MARCHF1: variants seen among roughly 807,000 people sequenced by gnomAD.
MARCHF1 encodes the protein membrane associated ring-CH-type finger 1, also known as E3 ubiquitin-protein ligase MARCHF1.
Under a neutral mutation model 54.2 loss-of-function variants are expected in MARCHF1, and 40 were observed. That is an observed-to-expected ratio of 0.74 (90% CI 0.57 to 0.96). MARCHF1 has a LOEUF of 0.96. Ranked by LOEUF, MARCHF1 falls within the 40% of genes least tolerant of loss-of-function variation. The pLI is 0.00. For missense variants in MARCHF1, 586 were observed against 656.5 expected (o/e 0.89, Z 1.17); for synonymous variants, 236 against 236.3 (o/e 1.00, Z 0.01).
At chr4:163,675,943 A>G (rs1394012471) in intron 5 of MARCHF1, among the ~76,000 whole-genome samples, 1 of 152,146 alleles carries the variant, frequency 6.6e-6, no homozygotes, top group Admixed American at 6.5e-5. Flanking sequence ...ACAAACAAAG[A>G]TGCCTATTTT....
At chr4:164,219,422 T>C (rs1406842707) in intron 1 of MARCHF1, among the ~76,000 whole-genome samples, 2 of 152,142 alleles carry the variant, frequency 1.3e-5, no homozygotes, top group African/African-American at 4.8e-5. Flanking sequence ...TTCTTCAAAG[T>C]AGTGATATAT....
At chr4:163,937,761 T>C (rs1751830065) in intron 3 of MARCHF1, among the ~76,000 whole-genome samples, 1 of 152,168 alleles carries the variant, frequency 6.6e-6, no homozygotes, top group South Asian at 2.1e-4. Flanking sequence ...TTTCAACTTA[T>C]AATTCACTAA....
intron 2 of MARCHF1, among the ~76,000 whole-genome samples, chr4:164,077,099 T>C (rs1218559026): frequency 1.3e-5 from 2 of 152,136 alleles, no homozygotes; most frequent in African/African-American, 2.4e-5. Context: ...AGAACAAAGC[T>C]GGAGGCATCA....
intron 5 of MARCHF1, among the ~76,000 whole-genome samples, chr4:163,675,466 G>A (rs1449540253): frequency 2.0e-5 from 3 of 152,216 alleles, no homozygotes; most frequent in Admixed American, 2.0e-4. Context: ...GGAGGAGAGA[G>A]AGAGTGAAAG....
intron 1 of MARCHF1, among the ~76,000 whole-genome samples, chr4:164,273,663 T>C (rs1436827348): frequency 6.6e-6 from 1 of 152,198 alleles, no homozygotes; most frequent in Non-Finnish European, 1.5e-5. Context: ...TTAGAGAAGA[T>C]TCAAGTGACT....
At chr4:163,633,416 T>C (rs1413914857) in intron 5 of MARCHF1, among the ~76,000 whole-genome samples, 1 of 152,140 alleles carries the variant, frequency 6.6e-6, no homozygotes, top group Non-Finnish European at 1.5e-5. Context: ...CTGATGGAGC[T>C]GAAAACCAAG....
At chr4:163,672,383 G>A (rs1359594846) in intron 5 of MARCHF1, among the ~76,000 whole-genome samples, 1 of 152,044 alleles carries the variant, frequency 6.6e-6, no homozygotes. Flanking sequence ...GCACAGCTTG[G>A]TGTGAAGCTC....
chr4:164,210,451 C>G (rs1731732632), intron 1 of MARCHF1, among the ~76,000 whole-genome samples: 1 of 152,032 alleles, frequency 6.6e-6, no homozygotes, highest in Non-Finnish European at 1.5e-5. Flanking sequence ...GAAGAAAGAT[C>G]AGGAGTTCAG....
intron 1 of MARCHF1, among the ~76,000 whole-genome samples, chr4:164,227,008 A>G (rs1732277940): frequency 6.6e-6 from 1 of 152,162 alleles, no homozygotes; most frequent in Non-Finnish European, 1.5e-5. Context: ...ACATTTTTAC[A>G]GGCATATTAC....
chr4:163,967,059 A>G (rs1385038324), intron 3 of MARCHF1, among the ~76,000 whole-genome samples: 1 of 152,164 alleles, frequency 6.6e-6, no homozygotes, highest in Non-Finnish European at 1.5e-5. Context: ...TCAGGCAGTG[A>G]TGAATAGATC....
intron 1 of MARCHF1, among the ~76,000 whole-genome samples, chr4:164,211,745 CG>C (rs962799638): frequency 5.9e-5 from 9 of 151,850 alleles, no homozygotes; most frequent in African/African-American, 1.5e-4. Flanking sequence ...GTAGTAGGTA[CG>C]GATGCCATCT....
chr4:164,027,471 C>T (rs184086023), intron 2 of MARCHF1, among the ~76,000 whole-genome samples: 1 of 147,550 alleles, frequency 6.8e-6, no homozygotes, highest in Admixed American at 6.9e-5. Context: ...ATCTGATGAT[C>T]TACAAAGCTG....
Position 163,612,511 on chromosome 4 carries a change from G to T in MARCHF1, c.770C>A (p.Ser257Tyr). ...LTQGSSEIKRSSRNHEKSKGR... is the reference protein window; with the variant it reads ...LTQGSSEIKRYSRNHEKSKGR... ...TTTGCTCTTCTCATGATTCCTTGAG[G>T]ATCTCTTAATTTCAGAGGACCCTTG... The change falls in exon 7 of 10, where the codon TCC becomes TAC. Residue 257 changes from serine to tyrosine, a missense_variant. Transcript: ENST00000514618. 6.5e-7 allele frequency: 1 copy of T among 1,535,214 alleles called. No individual in the cohort carries two copies. The highest frequency in any genetic ancestry group is 8.7e-7 in the Non-Finnish European group (1 of 1,146,478).
intron 3 of MARCHF1, among the ~76,000 whole-genome samples, chr4:163,916,063 C>T (rs1751300990): frequency 6.6e-6 from 1 of 152,152 alleles, no homozygotes; most frequent in African/African-American, 2.4e-5. Context: ...TGATTTGAAT[C>T]TGCTGTAAAC....
At chr4:164,073,036 G>T (rs565946911) in intron 2 of MARCHF1, among the ~76,000 whole-genome samples, 84 of 152,244 alleles carry the variant, frequency 5.5e-4, no homozygotes, top group Non-Finnish European at 1.0e-3. Flanking sequence ...GGTAGAATTC[G>T]CATAGTCAGA....
At chr4:164,351,085 T>C (rs1375689271) in intron 1 of MARCHF1, among the ~76,000 whole-genome samples, 2 of 152,208 alleles carry the variant, frequency 1.3e-5, no homozygotes, top group African/African-American at 2.4e-5. Flanking sequence ...CACAAGATTA[T>C]ATCCCTCACC....
chr4:163,545,540 A>AC, intron 9 of MARCHF1, 56 bp downstream of exon 9: 4 of 1,546,680 alleles, frequency 2.6e-6, no homozygotes, highest in Non-Finnish European at 3.5e-6. Context: ...TTCCCTATCC[A>AC]CCTCTGAGTA....
Position 163,525,331 on chromosome 4 carries a change from G to C in MARCHF1, c.*3417C>G, listed in dbSNP as rs1738063634. On this transcript the variant is annotated 3_prime_UTR_variant, in exon 10 of 10. Transcript: ENST00000514618. ...AAGATAAAAAACCATGAGGTCGTCT[G>C]TCTGGGACTATAATCACGTGTAGAA... 6.6e-6 allele frequency: 1 copy of C among 151,748 alleles called. No homozygotes were observed. Among genetic ancestry groups the C allele is most frequent in the African/African-American group, 2.4e-5 (1 of 41,412 alleles). 9.4% of individuals were successfully genotyped at this position (151,748 alleles called of 1,614,324 possible). A position where few individuals can be genotyped will look rare whatever the true frequency, so the allele number is the denominator to read the frequency against.
chr4:163,711,911 G>A (rs1015499283), intron 4 of MARCHF1, among the ~76,000 whole-genome samples: 2 of 152,092 alleles, frequency 1.3e-5, no homozygotes, highest in African/African-American at 4.8e-5. Context: ...TTAGTATTGT[G>A]TAGTCTTATC....
Sources: gnomAD v4.1 joint callset for allele counts (sites outside exome capture counted in the v4.1 genomes callset) on GRCh38, gnomAD v4.1.1 for gene constraint, MANE v1.5 for transcripts, NCBI Gene and HGNC (gene_info 2026-07-23, HGNC 2026-07-21) for gene names.